CAMK1D: variants seen among roughly 807,000 people sequenced by gnomAD.
CAMK1D encodes calcium/calmodulin-dependent protein kinase type 1D.
A neutral mutation model predicts 47.7 loss-of-function variants in CAMK1D; 9 were observed. The ratio of observed to expected loss-of-function variants is 0.19; its 90% CI spans 0.11 to 0.33. CAMK1D has a LOEUF of 0.33. Among genes scored for constraint, CAMK1D ranks in the 10% least tolerant of loss-of-function variants. CAMK1D has a pLI of 1.00. For missense variants in CAMK1D, 291 were observed against 488.7 expected, an observed-to-expected ratio of 0.60 and a Z score of 3.81; for synonymous variants, 184 against 184.9, an observed-to-expected ratio of 0.99 and a Z score of 0.04.
intron 1 of CAMK1D, among the ~76,000 whole-genome samples, chr10:12,460,656 C>T (rs1833396132): frequency 6.6e-6 from 1 of 152,174 alleles, no homozygotes; most frequent in Non-Finnish European, 1.5e-5. Context: ...TCTTGAACTC[C>T]TGACCTCATG....
chr10:12,514,833 ATTTTATTTTATTGTG>A (rs1272469416), intron 1 of CAMK1D, among the ~76,000 whole-genome samples: 2 of 151,382 alleles, frequency 1.3e-5, no homozygotes, highest in Non-Finnish European at 2.9e-5. Flanking sequence ...TATAGCCTTT[ATTTTATTTTATTGTG>A]TTTTATTTTA....
chr10:12,688,248 C>T lies in CAMK1D; in HGVS notation c.299+21438C>T, dbSNP rs138761510. Among the ~76,000 whole-genome samples the T allele has an allele frequency of 7.2e-5, 11 of 152,286 alleles. No individual in the cohort carries two copies. The East Asian group carries it at 1.7e-3, about 24-fold the overall frequency. On this transcript the variant is annotated intron_variant, in intron 3 of 10. Coordinates refer to ENST00000619168, the MANE Select transcript of CAMK1D (RefSeq NM_153498.4). ...GTCTCTCCTGGGTACTGGGTGAACA[C>T]GTGGCTTATGGTTACACCTGTGGGG...
At chr10:12,538,037 C>T (rs7899078) in intron 1 of CAMK1D, among the ~76,000 whole-genome samples, 43,025 of 151,990 alleles carry the variant, frequency 0.28, 6,360 homozygotes, top group East Asian at 0.37. Flanking sequence ...AACAATGACA[C>T]GACTTGTGTT....
intron 2 of CAMK1D, among the ~76,000 whole-genome samples, chr10:12,607,128 A>T (rs1261881264): frequency 6.6e-6 from 1 of 152,136 alleles, no homozygotes; most frequent in African/African-American, 2.4e-5. Context: ...CCTGGCCCAG[A>T]AGTAACAGAT....
At chr10:12,498,967 A>G (rs1345374631) in intron 1 of CAMK1D, among the ~76,000 whole-genome samples, 1 of 152,020 alleles carries the variant, frequency 6.6e-6, no homozygotes, top group East Asian at 1.9e-4. Flanking sequence ...ACACAATAGA[A>G]TTTAGGTAGC....
intron 1 of CAMK1D, among the ~76,000 whole-genome samples, chr10:12,527,512 G>A (rs1404552170): frequency 2.0e-5 from 3 of 151,954 alleles, no homozygotes; most frequent in Non-Finnish European, 4.4e-5. Flanking sequence ...GCGCCACCAC[G>A]CCCGGCTAAT....
intron 9 of CAMK1D, among the ~76,000 whole-genome samples, chr10:12,825,069 G>A (rs1349103215): frequency 7.5e-5 from 1 of 13,310 alleles, no homozygotes; most frequent in African/African-American, 3.2e-4. Flanking sequence ...GGTGAAAGAT[G>A]AGACGGAAAC....
intron 1 of CAMK1D, among the ~76,000 whole-genome samples, chr10:12,506,679 C>T (rs544821097): frequency 3.9e-4 from 60 of 152,182 alleles, no homozygotes; most frequent in Non-Finnish European, 6.2e-4. Flanking sequence ...CCACCACGCC[C>T]GGCTAGTTTT....
intron 2 of CAMK1D, among the ~76,000 whole-genome samples, chr10:12,597,882 G>C (rs1375814209): frequency 6.6e-6 from 1 of 152,202 alleles, no homozygotes; most frequent in African/African-American, 2.4e-5. Context: ...CTCAGAGACA[G>C]TTACCTGGAC....
chr10:12,588,920 C>T (rs1038698686), intron 2 of CAMK1D, among the ~76,000 whole-genome samples: 4 of 148,976 alleles, frequency 2.7e-5, no homozygotes, highest in African/African-American at 9.9e-5. Context: ...ATAACATGCC[C>T]CTATATATAC....
chr10:12,742,683 G>A (rs1279686642), intron 3 of CAMK1D, among the ~76,000 whole-genome samples: 2 of 152,146 alleles, frequency 1.3e-5, no homozygotes, highest in Non-Finnish European at 2.9e-5. Flanking sequence ...TAATATGAGC[G>A]AGTGAGGTGC....
intron 2 of CAMK1D, among the ~76,000 whole-genome samples, chr10:12,555,731 G>A (rs548186532): frequency 3.9e-5 from 6 of 152,214 alleles, no homozygotes; most frequent in South Asian, 2.1e-4. Flanking sequence ...AAGGTTTTAC[G>A]TTGGGCACAG....
At chr10:12,593,128 G>A (rs972209307) in intron 2 of CAMK1D, among the ~76,000 whole-genome samples, 13 of 152,226 alleles carry the variant, frequency 8.5e-5, no homozygotes, top group African/African-American at 2.7e-4. Flanking sequence ...AGCAGCCATA[G>A]ATGATATGTA....
At chr10:12,547,597 T>C (rs528631471) in intron 1 of CAMK1D, among the ~76,000 whole-genome samples, 1 of 151,780 alleles carries the variant, frequency 6.6e-6, no homozygotes. Context: ...TTATAGGTTT[T>C]CAGATCATTT....
intron 2 of CAMK1D, among the ~76,000 whole-genome samples, chr10:12,562,733 C>T (rs1432272637): frequency 6.6e-6 from 1 of 152,176 alleles, no homozygotes; most frequent in Non-Finnish European, 1.5e-5. Context: ...TTCCACGGCA[C>T]CAAGGTTTGC....
chr10:12,421,684 C>A (rs1384025072), intron 1 of CAMK1D, among the ~76,000 whole-genome samples: 2 of 151,342 alleles, frequency 1.3e-5, no homozygotes, highest in African/African-American at 4.9e-5. Context: ...CATCACCATG[C>A]CTGGCTAATT....
At chr10:12,358,372 A>G (rs934600864) in intron 1 of CAMK1D, among the ~76,000 whole-genome samples, 4 of 152,144 alleles carry the variant, frequency 2.6e-5, no homozygotes, top group South Asian at 2.1e-4. Flanking sequence ...CGTCTCTACT[A>G]AAAACACCAA....
At chr10:12,658,383 T>G (rs1459192376) in intron 2 of CAMK1D, among the ~76,000 whole-genome samples, 5 of 133,552 alleles carry the variant, frequency 3.7e-5, no homozygotes, top group South Asian at 2.3e-4. Flanking sequence ...TGGGGCAGGG[T>G]GGAAGATGAT....
intron 2 of CAMK1D, among the ~76,000 whole-genome samples, chr10:12,627,593 A>C (rs760853062): frequency 6.6e-6 from 1 of 152,152 alleles, no homozygotes; most frequent in Non-Finnish European, 1.5e-5. Flanking sequence ...TTGTATGGCC[A>C]CATATTATTT....
Sources: gnomAD v4.1 joint callset for allele counts (sites outside exome capture counted in the v4.1 genomes callset) on GRCh38, gnomAD v4.1.1 for gene constraint, MANE v1.5 for transcripts, NCBI Gene and HGNC (gene_info 2026-07-23, HGNC 2026-07-21) for gene names.